The following CACNA2D3 variants were observed in gnomAD, a reference collection of about 807,000 sequenced individuals.
CACNA2D3 encodes calcium voltage-gated channel auxiliary subunit alpha2delta 3.
In CACNA2D3, 60 loss-of-function variants were observed where a neutral mutation model predicts 160.6. The ratio of observed to expected loss-of-function variants is 0.37; its 90% CI spans 0.30 to 0.46. The LOEUF is 0.46. Ranked by LOEUF, CACNA2D3 falls within the 20% of genes least tolerant of loss-of-function variation. The pLI is 1.00. For missense variants in CACNA2D3, 1,205 were observed against 1,365.0 expected, an observed-to-expected ratio of 0.88 and a Z score of 1.85; for synonymous variants, 558 against 492.9, an observed-to-expected ratio of 1.13 and a Z score of -1.75.
At chr3:54,175,344 C>A (rs1392659374) in intron 2 of CACNA2D3, among the ~76,000 whole-genome samples, 1 of 151,958 alleles carries the variant, frequency 6.6e-6, no homozygotes, top group Non-Finnish European at 1.5e-5. Context: ...AGGCCGGGCG[C>A]GGTGGTTTAC....
At chr3:54,975,582 G>C (rs1403271622) in intron 29 of CACNA2D3, among the ~76,000 whole-genome samples, 1 of 150,782 alleles carries the variant, frequency 6.6e-6, no homozygotes, top group African/African-American at 2.4e-5. Context: ...TGGAAGCTTA[G>C]GCATGTTGTC....
intron 4 of CACNA2D3, among the ~76,000 whole-genome samples, chr3:54,412,842 A>G (rs1699692070): frequency 6.6e-6 from 1 of 150,910 alleles, no homozygotes; most frequent in African/African-American, 2.4e-5. Flanking sequence ...TGGTATTATC[A>G]TTTATCTTTT....
chr3:54,457,710 T>A (rs879481411), intron 4 of CACNA2D3, among the ~76,000 whole-genome samples: 5 of 152,056 alleles, frequency 3.3e-5, no homozygotes, highest in African/African-American at 4.8e-5. Context: ...GATCTAATAA[T>A]ATTTGCTTTA....
chr3:54,523,239 G>T (rs2106995815), intron 5 of CACNA2D3, among the ~76,000 whole-genome samples: 1 of 152,262 alleles, frequency 6.6e-6, no homozygotes, highest in East Asian at 1.9e-4. Flanking sequence ...GTTGAGGGTT[G>T]TTTTTAATCA....
At chr3:54,857,738 T>C (rs1470609017) in intron 17 of CACNA2D3, among the ~76,000 whole-genome samples, 3 of 152,152 alleles carry the variant, frequency 2.0e-5, no homozygotes, top group East Asian at 1.9e-4. Context: ...TCTGCAAAAA[T>C]TGATTTGCTG....
intron 2 of CACNA2D3, among the ~76,000 whole-genome samples, chr3:54,215,295 C>T (rs887030207): frequency 7.2e-5 from 11 of 152,194 alleles, no homozygotes; most frequent in African/African-American, 1.2e-4. Flanking sequence ...AAAGCAAACT[C>T]ATTAACATCT....
At chr3:54,683,455 C>G (rs1318610454) in intron 11 of CACNA2D3, among the ~76,000 whole-genome samples, 1 of 152,202 alleles carries the variant, frequency 6.6e-6, no homozygotes, top group African/African-American at 2.4e-5. Flanking sequence ...GCATTTGATT[C>G]CAGGCCTTGC....
At position 54,918,332 on chromosome 3, in the gene CACNA2D3, CTTTTTTTTTTTTTTT is replaced by C. The variant is rs533596688; in HGVS notation, c.2449+18473_2449+18487del. The C allele has an allele frequency of 4.8e-5, 11 of 228,012 alleles. 1 individual carries two copies. Among genetic ancestry groups the C allele is most frequent in the Non-Finnish European group, 7.1e-5 (9 of 126,142 alleles). 14.1% of individuals were successfully genotyped at this position (228,012 alleles called of 1,614,324 possible). On this transcript the variant is annotated intron_variant, in intron 27 of 37. Coordinates refer to ENST00000474759, the MANE Select transcript of CACNA2D3 (RefSeq NM_018398.3). ...TTTTACAGACACATCTTTTTTTTTT[CTTTTTTTTTTTTTTT>C]TTTTTTTTGTCTTTTGGCAAAAGCA...
At chr3:54,326,988 A>G (rs1704133394) in intron 3 of CACNA2D3, among the ~76,000 whole-genome samples, 1 of 152,182 alleles carries the variant, frequency 6.6e-6, no homozygotes, top group South Asian at 2.1e-4. Context: ...GTACGTATAT[A>G]TGTAAGGAAA....
intron 11 of CACNA2D3, among the ~76,000 whole-genome samples, chr3:54,672,341 CT>C (rs1349458964): frequency 3.9e-5 from 6 of 152,270 alleles, no homozygotes; most frequent in African/African-American, 1.2e-4. Flanking sequence ...TGAGGCCAAG[CT>C]GAGAAAACAG....
intron 4 of CACNA2D3, among the ~76,000 whole-genome samples, chr3:54,420,324 C>T (rs957330466): frequency 6.6e-6 from 1 of 152,134 alleles, no homozygotes; most frequent in Non-Finnish European, 1.5e-5. Context: ...ACCTCGTGAT[C>T]CACCCACCTT....
intron 4 of CACNA2D3, among the ~76,000 whole-genome samples, chr3:54,448,940 A>C (rs1478887907): frequency 1.3e-5 from 2 of 152,238 alleles, no homozygotes; most frequent in African/African-American, 4.8e-5. Context: ...GATTGACTCA[A>C]GATGAATCAA....
rs111705804 is a variant in CACNA2D3, at chr3:54,801,948, T to G, written c.1381-14905T>G. Among the ~76,000 whole-genome samples, 5 of 152,356 alleles carry G rather than the reference T, an allele frequency of 3.3e-5. 1 individual carries two copies. The highest frequency in any genetic ancestry group is 1.2e-4 in the African/African-American group (5 of 41,586). ...ATAGATACCATTTTACCCATAAGTCTTTCCAACAAAATTGGAAGGACTTAC... is the reference window on the plus strand; with the variant it reads ...ATAGATACCATTTTACCCATAAGTCGTTCCAACAAAATTGGAAGGACTTAC... On this transcript the variant is annotated intron_variant, in intron 13 of 37. Transcript: ENST00000474759.
intron 8 of CACNA2D3, among the ~76,000 whole-genome samples, chr3:54,571,290 T>A (rs956429783): frequency 6.6e-6 from 1 of 152,134 alleles, no homozygotes; most frequent in Non-Finnish European, 1.5e-5. Context: ...ATATTTCTTA[T>A]CAGACTTAAA....
chr3:54,157,763 C>T (rs961243688), intron 2 of CACNA2D3, among the ~76,000 whole-genome samples: 1 of 151,096 alleles, frequency 6.6e-6, no homozygotes, highest in Non-Finnish European at 1.5e-5. Flanking sequence ...TGCACTCCAG[C>T]CTGGGCAACA....
At chr3:54,307,395 C>T (rs775118677) in intron 2 of CACNA2D3, among the ~76,000 whole-genome samples, 9 of 152,188 alleles carry the variant, frequency 5.9e-5, no homozygotes, top group East Asian at 1.9e-4. Context: ...CTGGAGGACC[C>T]GTGGGCTGCT....
At chr3:55,034,638 T>TC in intron 35 of CACNA2D3, among the ~76,000 whole-genome samples, 1 of 152,050 alleles carries the variant, frequency 6.6e-6, no homozygotes, top group Admixed American at 6.6e-5. Flanking sequence ...GCTTTCTGGT[T>TC]TTTTTTCAAA....
At chr3:54,932,850 G>A (rs927527207) in intron 27 of CACNA2D3, among the ~76,000 whole-genome samples, 1 of 152,176 alleles carries the variant, frequency 6.6e-6, no homozygotes. Context: ...CTGCAGCCAG[G>A]AATAGTGGGG....
In CACNA2D3 at chr3:54,199,410, C is replaced by T. The variant is rs117025065; in HGVS notation, c.204+75816C>T. Among the ~76,000 whole-genome samples the T allele has an allele frequency of 1.8e-3, 281 of 152,242 alleles. 3 individuals carry two copies. The East Asian group carries it at 0.021, about 12-fold the overall frequency. On this transcript the variant is annotated intron_variant, in intron 2 of 37. Coordinates refer to ENST00000474759, the MANE Select transcript of CACNA2D3 (RefSeq NM_018398.3). ...AGACAGGGTCTTACCATCACCCAGG[C>T]TGGAGTGCAGTGGTGTGGTCTTGGA... is the stretch of plus-strand genomic sequence containing the variant.
Sources: gnomAD v4.1 joint callset for allele counts (sites outside exome capture counted in the v4.1 genomes callset) on GRCh38, gnomAD v4.1.1 for gene constraint, MANE v1.5 for transcripts, NCBI Gene and HGNC (gene_info 2026-07-23, HGNC 2026-07-21) for gene names.